The following DAPK1 variants were observed in gnomAD, a reference collection of about 807,000 sequenced individuals.
The protein encoded by DAPK1 is death associated protein kinase 1.
In DAPK1, 56 loss-of-function variants were observed where a neutral mutation model predicts 144.9. That is an observed-to-expected ratio of 0.39 (90% confidence interval 0.31 to 0.48). The LOEUF (loss-of-function observed/expected upper bound fraction) is 0.48, where lower values mean the gene tolerates loss of function less well. Among genes scored for constraint, DAPK1 ranks in the 20% least tolerant of loss-of-function variants. The pLI is 0.95. For synonymous variants in DAPK1, 690 were observed against 749.0 expected (o/e 0.92, Z 1.29); for missense variants, 1,454 against 1,875.4 (o/e 0.78, Z 4.15).
At chr9:87,665,326 TGAAG>T (rs1831013662) in intron 18 of DAPK1, among the ~76,000 whole-genome samples, 1 of 152,132 alleles carries the variant, frequency 6.6e-6, no homozygotes, top group African/African-American at 2.4e-5. Flanking sequence ...GATGAAAGTA[TGAAG>T]GAAGGAAGGA....
At chr9:87,498,418 C>T in intron 1 of DAPK1, 1 of 313,276 alleles carries the variant, frequency 3.2e-6, no homozygotes, top group Non-Finnish European at 5.8e-6. Context: ...CGGCCGCACG[C>T]CGGGTCGGCC....
chr9:87,664,398 G>A (rs1424760016), intron 18 of DAPK1, among the ~76,000 whole-genome samples: 3 of 152,144 alleles, frequency 2.0e-5, no homozygotes, highest in East Asian at 1.9e-4. Flanking sequence ...ACCTGATGGC[G>A]CTCTGCCTTC....
chr9:87,674,140 G>T lies in DAPK1; in HGVS notation c.2001+5466G>T, dbSNP rs984763002. Among the ~76,000 whole-genome samples the T allele has an allele frequency of 2.6e-5, 4 of 152,146 alleles. No homozygotes were observed. In the East Asian group the frequency reaches 5.8e-4, roughly 22 times the overall value. On this transcript the variant is annotated intron_variant, in intron 19 of 25. Transcript: ENST00000408954. ...ATTTTAAAATAAGAATTTCAAGGGG[G>T]TTGAGGAGTTGGCTTATTTTTATTT...
chr9:87,676,745 A>G (rs1824397989), intron 19 of DAPK1, among the ~76,000 whole-genome samples: 1 of 151,900 alleles, frequency 6.6e-6, no homozygotes, highest in African/African-American at 2.4e-5. Context: ...CCAATATTTC[A>G]CTCCAAAGGG....
chr9:87,675,146 G>A (rs566367601), intron 19 of DAPK1, among the ~76,000 whole-genome samples: 1 of 152,282 alleles, frequency 6.6e-6, no homozygotes, highest in South Asian at 2.1e-4. Flanking sequence ...TCTTGTCTGT[G>A]CCTGGTGTTC....
chr9:87,506,787 G>T (rs1824617191), intron 2 of DAPK1: 1 of 152,086 alleles, frequency 6.6e-6, no homozygotes, highest in African/African-American at 2.4e-5. Context: ...TATGACTTTG[G>T]GTACATTCTA....
At chr9:87,508,460 A>G (rs1345021126) in intron 2 of DAPK1, among the ~76,000 whole-genome samples, 2 of 151,220 alleles carry the variant, frequency 1.3e-5, no homozygotes, top group East Asian at 3.9e-4. Context: ...CTCCTGCCTC[A>G]GCCTCCCGAG....
At chr9:87,704,255 G>A (rs762463161) in intron 25 of DAPK1, among the ~76,000 whole-genome samples, 36 of 152,326 alleles carry the variant, frequency 2.4e-4, no homozygotes, top group Middle Eastern at 3.4e-3. Flanking sequence ...ACTGCTGGAT[G>A]TAAAAAATGT....
At position 87,706,005 on chromosome 9, in the gene DAPK1, T is replaced by C; in HGVS notation, c.3061-127T>C. 1.5e-6 allele frequency: 1 copy of C among 688,032 alleles called. No individual in the cohort carries two copies. Among genetic ancestry groups the C allele is most frequent in the Non-Finnish European group, 2.6e-6 (1 of 391,896 alleles). The allele number at this position is 688,032 out of a possible 1,614,324, so 42.6% of individuals were successfully genotyped here. On this transcript the variant is annotated intron_variant, in intron 25 of 25. Transcript: ENST00000408954. This position sits in a 1 kb window ranked among gnomAD's most constrained non-coding sequence, Gnocchi z 9.0. The stretch of plus-strand genomic sequence containing the variant: ...TGAGACGCATCCACGTGGAATGGCC[T>C]TGGGTCACTCCTTAGAGCATCTGCT...
intron 17 of DAPK1, among the ~76,000 whole-genome samples, chr9:87,653,468 A>G (rs1005612980): frequency 1.1e-4 from 17 of 152,286 alleles, no homozygotes; most frequent in African/African-American, 4.1e-4. Flanking sequence ...TACTTTTTGC[A>G]TAACTCAGTG....
At chr9:87,666,733 C>CA (rs548917669) in intron 18 of DAPK1, among the ~76,000 whole-genome samples, 329 of 152,224 alleles carry the variant, frequency 2.2e-3, no homozygotes, top group Non-Finnish European at 4.2e-3. Flanking sequence ...CTCAGCCTCC[C>CA]AAAATGCTAG....
chr9:87,692,052 A>G (rs138874845), intron 21 of DAPK1, among the ~76,000 whole-genome samples: 1 of 152,250 alleles, frequency 6.6e-6, no homozygotes, highest in East Asian at 1.9e-4. Flanking sequence ...TTCTGTCTGT[A>G]TAATCTGCCT....
chr9:87,578,752 G>A (rs1415762569), intron 2 of DAPK1, among the ~76,000 whole-genome samples: 1 of 152,216 alleles, frequency 6.6e-6, no homozygotes, highest in African/African-American at 2.4e-5. Context: ...CTCTGTGAAT[G>A]TGGTCACAGA....
chr9:87,623,847 A>C (rs1301837885), intron 3 of DAPK1, among the ~76,000 whole-genome samples: 1 of 152,138 alleles, frequency 6.6e-6, no homozygotes, highest in African/African-American at 2.4e-5. Flanking sequence ...GCTGGGCCTG[A>C]GGAGCAAAAC....
At position 87,498,082 on chromosome 9, in the gene DAPK1, G is replaced by A. The variant is rs1002319733; in HGVS notation, c.-134G>A. On this transcript the variant is annotated 5_prime_UTR_variant, in exon 1 of 26. Coordinates refer to ENST00000408954, the MANE Select transcript of DAPK1 (RefSeq NM_004938.4). ...TCGGCCTCCGACAGCGCTCCGGAGG[G>A]ACCGGGGGAGCTCCCAGGCGCCCGG... 2.5e-6 allele frequency: 1 copy of A among 397,754 alleles called. No homozygotes were observed. Among genetic ancestry groups the A allele is most frequent in the Non-Finnish European group, 4.4e-6 (1 of 225,640 alleles). The allele number at this position is 397,754 out of a possible 1,614,324, so 24.6% of individuals were successfully genotyped here.
At chr9:87,637,853 T>C (rs997447343) in intron 3 of DAPK1, 90 bp from the exon 4 acceptor site, 8 of 1,405,694 alleles carry the variant, frequency 5.7e-6, no homozygotes, top group Non-Finnish European at 6.8e-6. Context: ...TGTTTTCTTG[T>C]CTGAAGTTTG....
intron 2 of DAPK1, among the ~76,000 whole-genome samples, chr9:87,564,362 C>T (rs115412459): frequency 1.1e-4 from 17 of 152,134 alleles, no homozygotes; most frequent in Non-Finnish European, 2.4e-4. Context: ...AAATGACTCA[C>T]CACTTAAGGC....
intron 22 of DAPK1, among the ~76,000 whole-genome samples, chr9:87,698,209 T>A (rs529832285): frequency 2.0e-5 from 3 of 152,198 alleles, no homozygotes; most frequent in Admixed American, 6.5e-5. Flanking sequence ...GTCCTTTTTT[T>A]CCTTTGTTTT....
At chr9:87,617,200 G>C (rs1829127101) in intron 3 of DAPK1, among the ~76,000 whole-genome samples, 1 of 152,298 alleles carries the variant, frequency 6.6e-6, no homozygotes, top group East Asian at 1.9e-4. Flanking sequence ...CTGCCCATCA[G>C]AAATTCTTTA....
Sources: gnomAD v4.1 joint callset for allele counts (sites outside exome capture counted in the v4.1 genomes callset) on GRCh38, gnomAD v4.1.1 for gene constraint, Gnocchi (gnomAD v3.1) non-coding constraint, MANE v1.5 for transcripts, NCBI Gene and HGNC (gene_info 2026-07-23, HGNC 2026-07-21) for gene names.